The following MYO5A variants were observed in gnomAD, a reference collection of about 807,000 sequenced individuals.
MYO5A encodes the protein myosin VA, also known as unconventional myosin-Va.
In MYO5A, 98 loss-of-function variants were observed where a neutral mutation model predicts 249.7. That is an observed-to-expected ratio of 0.39 (90% confidence interval 0.33 to 0.46). MYO5A has a LOEUF of 0.46. Ranked by LOEUF, MYO5A falls within the 20% of genes least tolerant of loss-of-function variation. The pLI, the probability that MYO5A is intolerant of heterozygous loss-of-function variation, is 0.98. For synonymous variants in MYO5A, 778 were observed against 810.6 expected, an observed-to-expected ratio of 0.96 and a Z score of 0.68; for missense variants, 1,696 against 2,308.8, an observed-to-expected ratio of 0.73 and a Z score of 5.44.
chr15:52,448,139 G>GT (rs2075933515), intron 1 of MYO5A, among the ~76,000 whole-genome samples: 1 of 152,262 alleles, frequency 6.6e-6, no homozygotes, highest in Admixed American at 6.5e-5. Context: ...GAGAGCAGCT[G>GT]TGGGGTGGGG....
chr15:52,422,117 G>T (rs2141271040), intron 4 of MYO5A, among the ~76,000 whole-genome samples: 1 of 152,258 alleles, frequency 6.6e-6, no homozygotes, highest in African/African-American at 2.4e-5. Flanking sequence ...AATAGGCATG[G>T]CAGTCCACTG....
chr15:52,489,464 G>A lies in MYO5A; in HGVS notation c.27+39316C>T, dbSNP rs181889637. On this transcript the variant is annotated intron_variant, in intron 1 of 41. Coordinates refer to ENST00000399233, the MANE Select transcript of MYO5A (RefSeq NM_001382347.1). ...CTGTAGTCCCAGCTACTCGGGAGGCGGAGGCAGGAGAACTGCTTGAACCCA... is the reference window on the plus strand; with the variant it reads ...CTGTAGTCCCAGCTACTCGGGAGGCAGAGGCAGGAGAACTGCTTGAACCCA... Among the ~76,000 whole-genome samples the A allele has an allele frequency of 1.9e-3, 284 of 151,838 alleles. 1 individual carries two copies. The highest frequency in any genetic ancestry group is 6.5e-3 in the African/African-American group (267 of 41,376).
At chr15:52,413,670 C>T (rs2043346825) in intron 5 of MYO5A, among the ~76,000 whole-genome samples, 1 of 152,094 alleles carries the variant, frequency 6.6e-6, no homozygotes. Context: ...AATATTTTAC[C>T]TATGTTTTCT....
intron 1 of MYO5A, among the ~76,000 whole-genome samples, chr15:52,523,425 C>T (rs1189559965): frequency 2.0e-5 from 3 of 151,912 alleles, no homozygotes; most frequent in African/African-American, 7.2e-5. Flanking sequence ...CCATCCCTCC[C>T]CTGCTTAAGT....
chr15:52,382,675 G>A (rs1219674320), intron 16 of MYO5A, among the ~76,000 whole-genome samples: 2 of 152,250 alleles, frequency 1.3e-5, no homozygotes, highest in Non-Finnish European at 2.9e-5. Flanking sequence ...TGAAGCAGGA[G>A]GAGGTGCTGG....
intron 1 of MYO5A, among the ~76,000 whole-genome samples, chr15:52,461,678 A>T (rs2076251245): frequency 6.6e-6 from 1 of 152,230 alleles, no homozygotes; most frequent in African/African-American, 2.4e-5. Context: ...AAACTGTGTG[A>T]TCAGCCAGGT....
chr15:52,353,835 C>A lies in MYO5A; in HGVS notation c.3567+36G>T, dbSNP rs755017305. 5 of 1,611,500 alleles carry A rather than the reference C, an allele frequency of 3.1e-6. No homozygotes were observed. In the African/African-American group the frequency reaches 6.7e-5, roughly 22 times the overall value. ...GAGACTGCTGAAATGGACATAAAGC[C>A]CAGCTTCAGCTCTGCGGATGGGCTG... On this transcript the variant is annotated intron_variant, in intron 26 of 41. Transcript: ENST00000399233.
At chr15:52,446,464 C>T (rs1178176943) in intron 1 of MYO5A, among the ~76,000 whole-genome samples, 1 of 152,248 alleles carries the variant, frequency 6.6e-6, no homozygotes. Flanking sequence ...AGGCAAAAGC[C>T]TCCTGCAGGG....
intron 24 of MYO5A, among the ~76,000 whole-genome samples, chr15:52,360,983 G>C (rs1487261261): frequency 6.6e-6 from 1 of 152,140 alleles, no homozygotes; most frequent in African/African-American, 2.4e-5. Context: ...CCTTTCCCCA[G>C]CTGCTGGAAA....
intron 2 of MYO5A, among the ~76,000 whole-genome samples, chr15:52,429,196 A>G (rs940029663): frequency 3.3e-5 from 5 of 151,998 alleles, no homozygotes; most frequent in Middle Eastern, 3.4e-3. Flanking sequence ...AAGACAATTC[A>G]TAGTTTTCAT....
chr15:52,401,497 G>T (rs1397631743), intron 9 of MYO5A, among the ~76,000 whole-genome samples: 1 of 152,190 alleles, frequency 6.6e-6, no homozygotes, highest in African/African-American at 2.4e-5. Flanking sequence ...TTATTCCACT[G>T]TGTTCTGGCT....
At chr15:52,359,075 T>C (rs1203943646) in intron 25 of MYO5A, among the ~76,000 whole-genome samples, 1 of 152,226 alleles carries the variant, frequency 6.6e-6, no homozygotes, top group Non-Finnish European at 1.5e-5. Flanking sequence ...TTAGCCTTCT[T>C]GTATGTATGA....
At chr15:52,351,130 A>T in intron 28 of MYO5A, 124 bp downstream of exon 28, 1 of 821,072 alleles carries the variant, frequency 1.2e-6, no homozygotes, top group South Asian at 1.5e-5. Flanking sequence ...TAAAAAAATA[A>T]TGAATCCTCA....
At chr15:52,372,488 G>A in intron 20 of MYO5A, 125 bp from the exon 21 acceptor site, 1 of 1,268,124 alleles carries the variant, frequency 7.9e-7, no homozygotes, top group South Asian at 1.3e-5. Context: ...AATTGACAAT[G>A]TACTATGTAG....
At chr15:52,445,265 T>G (rs1331627854) in intron 1 of MYO5A, among the ~76,000 whole-genome samples, 1 of 152,296 alleles carries the variant, frequency 6.6e-6, no homozygotes, top group East Asian at 1.9e-4. Context: ...TCCGCCCACC[T>G]TCTCTGTCTC....
At chr15:52,507,804 C>CAAA (rs57445300) in intron 1 of MYO5A, among the ~76,000 whole-genome samples, 2 of 102,964 alleles carry the variant, frequency 1.9e-5, no homozygotes, top group African/African-American at 6.8e-5. Context: ...ACCCTGTCCC[C>CAAA]AAAAAAAAAA....
chr15:52,505,919 T>A lies in MYO5A; in HGVS notation c.27+22861A>T, dbSNP rs1027734952. 1.8e-4 allele frequency: 264 copies of A among 1,447,960 alleles called. No individual in the cohort carries two copies. The East Asian group carries it at 5.4e-3, about 30-fold the overall frequency. The allele number at this position is 1,447,960 out of a possible 1,614,324, so 89.7% of individuals were successfully genotyped here. A position where few individuals can be genotyped will look rare whatever the true frequency, so the allele number is the denominator to read the frequency against. On this transcript the variant is annotated intron_variant, in intron 1 of 41. Coordinates refer to ENST00000399233, the MANE Select transcript of MYO5A (RefSeq NM_001382347.1). The stretch of plus-strand genomic sequence containing the variant: ...AAGCTTGAAAGATTAAAAAAAAAAT[T>A]TTTCAGACTCTTGGCTGGGCGCAGT...
In MYO5A at chr15:52,454,671, C is replaced by T. The variant is rs542221550; in HGVS notation, c.28-21386G>A. Among the ~76,000 whole-genome samples, 4 of 151,920 alleles carry T rather than the reference C, an allele frequency of 2.6e-5. No individual in the cohort carries two copies. In the East Asian group the frequency reaches 7.7e-4, roughly 29 times the overall value. On this transcript the variant is annotated intron_variant, in intron 1 of 41. Transcript: ENST00000399233. ...GTATCTTTTCTGACTACAGTGGAAC[C>T]CTGGAAAATTCACAAATACATGGAA...
In MYO5A at chr15:52,443,806, C is replaced by A. The variant is rs564547427; in HGVS notation, c.28-10521G>T. 9.3e-4 allele frequency among the ~76,000 whole-genome samples: 140 copies of A among 151,130 alleles called. 5 individuals are homozygous for A. The South Asian group carries it at 0.027, about 30-fold the overall frequency. ...GACCAGCTTGGGCAACATGGTGAAA[C>A]CCTGTCTCTACTAAAATACAAAAAA... On this transcript the variant is annotated intron_variant, in intron 1 of 41. Coordinates refer to ENST00000399233, the MANE Select transcript of MYO5A (RefSeq NM_001382347.1).
Sources: gnomAD v4.1 joint callset for allele counts (sites outside exome capture counted in the v4.1 genomes callset) on GRCh38, gnomAD v4.1.1 for gene constraint, MANE v1.5 for transcripts, NCBI Gene and HGNC (gene_info 2026-07-23, HGNC 2026-07-21) for gene names.